Variants in CEP83 observed in about 807,000 individuals in gnomAD.
CEP83 encodes the protein centrosomal protein of 83 kDa.
A neutral mutation model predicts 101.9 loss-of-function variants in CEP83; 70 were observed. The observed-to-expected ratio is 0.69, with a 90% CI of 0.57 to 0.84. The LOEUF is 0.84. CEP83 is among the 40% of genes least tolerant of loss of function. The pLI, the probability that CEP83 is intolerant of heterozygous loss-of-function variation, is 0.00. For missense variants in CEP83, 715 were observed against 787.2 expected (o/e 0.91, Z 1.10); for synonymous variants, 264 against 267.9 (o/e 0.99, Z 0.14).
intron 4 of CEP83, among the ~76,000 whole-genome samples, chr12:94,409,092 C>G (rs926147686): frequency 6.6e-6 from 1 of 151,378 alleles, no homozygotes; most frequent in Non-Finnish European, 1.5e-5. Flanking sequence ...TAAAAATAAT[C>G]ATCTTTCATA....
the CEP83 span, among the ~76,000 whole-genome samples, chr12:94,289,845 C>T: frequency 1.6e-4 from 24 of 152,124 alleles, no homozygotes; most frequent in African/African-American, 5.1e-4. Context: ...CTCACACATA[C>T]GCGCTCACAC....
Position 94,401,000 on chromosome 12 carries a change from T to A in CEP83, c.418-19A>T, listed in dbSNP as rs2137577999. On this transcript the variant is annotated intron_variant, in intron 5 of 16. Coordinates refer to ENST00000397809, the MANE Select transcript of CEP83 (RefSeq NM_016122.3). ...CTACCTCCTAAAGGGAGAATGCATT[T>A]ATCATAGATTTATAAACAAAATTCG... The A allele has an allele frequency of 7.7e-7, 1 of 1,306,916 alleles. No individual in the cohort carries two copies. Among genetic ancestry groups the A allele is most frequent in the Middle Eastern group, 2.2e-4 (1 of 4,452 alleles). The allele number at this position is 1,306,916 out of a possible 1,614,324, so 81.0% of individuals were successfully genotyped here.
Position 94,436,756 on chromosome 12 carries a change from G to A in CEP83, c.-154-1429C>T, listed in dbSNP as rs1261743994. On this transcript the variant is annotated intron_variant, in intron 1 of 16. Coordinates refer to ENST00000397809, the MANE Select transcript of CEP83 (RefSeq NM_016122.3). Reference sequence around the variant, plus strand: ...TGAGGCAGGAGAATCACTTGAACCCGGAGGAGGTTGCAGTGAGCCAAGATC... The same window carrying A: ...TGAGGCAGGAGAATCACTTGAACCCAGAGGAGGTTGCAGTGAGCCAAGATC... Among the ~76,000 whole-genome samples, 10 of 149,658 alleles carry A rather than the reference G, an allele frequency of 6.7e-5. No individual in the cohort carries two copies. In the East Asian group the frequency reaches 1.2e-3, roughly 18 times the overall value.
intron 1 of CEP83, among the ~76,000 whole-genome samples, chr12:94,442,628 T>C (rs2066496128): frequency 6.6e-6 from 1 of 152,224 alleles, no homozygotes; most frequent in Admixed American, 6.5e-5. Context: ...ATGTGTATGC[T>C]TTCCTCTTGA....
intron 7 of CEP83, 33 bp downstream of exon 7, chr12:94,378,758 C>A: frequency 1.2e-6 from 2 of 1,606,052 alleles, no homozygotes; most frequent in Non-Finnish European, 1.7e-6. Flanking sequence ...AAAAAGTATG[C>A]CATACTCTAC....
intron 11 of CEP83, among the ~76,000 whole-genome samples, chr12:94,337,726 T>C (rs1039398655): frequency 1.3e-5 from 2 of 152,018 alleles, no homozygotes; most frequent in African/African-American, 4.8e-5. Flanking sequence ...AACTAGATCT[T>C]GAAGGAAAAA....
At chr12:94,323,579 T>C (rs542745418) in intron 14 of CEP83, among the ~76,000 whole-genome samples, 2 of 152,298 alleles carry the variant, frequency 1.3e-5, no homozygotes, top group African/African-American at 2.4e-5. Flanking sequence ...GATGCTTCAG[T>C]TGAAGGTGCT....
intron 1 of CEP83, among the ~76,000 whole-genome samples, chr12:94,450,441 A>G (rs940283003): frequency 5.9e-5 from 9 of 152,116 alleles, no homozygotes; most frequent in Non-Finnish European, 1.3e-4. Flanking sequence ...TTTAGTAGAG[A>G]CGGGGTTTCA....
At chr12:94,372,438 CT>C (rs2061348719) in intron 8 of CEP83, among the ~76,000 whole-genome samples, 1 of 152,100 alleles carries the variant, frequency 6.6e-6, no homozygotes, top group African/African-American at 2.4e-5. Context: ...ATTATAAATA[CT>C]TTAAAATTTT....
the CEP83 span, among the ~76,000 whole-genome samples, chr12:94,273,101 A>C: frequency 6.6e-6 from 1 of 152,368 alleles, no homozygotes; most frequent in South Asian, 2.1e-4. Context: ...AATGAGGCTA[A>C]TAATGGCACC....
At chr12:94,408,632 T>C (rs1383122719) in intron 4 of CEP83, among the ~76,000 whole-genome samples, 1 of 151,996 alleles carries the variant, frequency 6.6e-6, no homozygotes, top group South Asian at 2.1e-4. Flanking sequence ...CAGGGTAAAG[T>C]GTGGTGGTGT....
At chr12:94,267,112 CCTTTA>C in the CEP83 span, among the ~76,000 whole-genome samples, 13 of 152,146 alleles carry the variant, frequency 8.5e-5, no homozygotes, top group African/African-American at 1.9e-4. Context: ...GATGTTCATG[CCTTTA>C]CTTTAAGACG....
rs150910905 is a variant in CEP83, at chr12:94,320,333, C to T, written c.1708-7316G>A. 3.1e-3 allele frequency among the ~76,000 whole-genome samples: 465 copies of T among 152,192 alleles called. 4 individuals carry two copies. Among genetic ancestry groups the T allele is most frequent in the Middle Eastern group, 0.021 (6 of 292 alleles). Reference sequence around the variant, plus strand: ...GTGCCTTTTAAATGGGGGCACTTAGCCCATTTATATTCAAGGTCAGTATTA... The same window carrying T: ...GTGCCTTTTAAATGGGGGCACTTAGTCCATTTATATTCAAGGTCAGTATTA... On this transcript the variant is annotated intron_variant, in intron 14 of 16. Transcript: ENST00000397809.
At chr12:94,319,221 G>A (rs537900903) in intron 14 of CEP83, among the ~76,000 whole-genome samples, 6 of 152,200 alleles carry the variant, frequency 3.9e-5, no homozygotes, top group Admixed American at 1.3e-4. Context: ...TGTCTGTGAC[G>A]GTTGTTTGTA....
downstream of CEP83, chr12:94,304,034 G>A (rs150282069): frequency 1.2e-5 from 18 of 1,556,728 alleles, no homozygotes; most frequent in African/African-American, 1.8e-4. Context: ...CAAATACATC[G>A]TAAAATATTT....
chr12:94,333,703 A>C, intron 12 of CEP83, 64 bp from the exon 13 acceptor site: 3 of 1,501,788 alleles, frequency 2.0e-6, no homozygotes, highest in Non-Finnish European at 2.7e-6. Context: ...GTATGAGAGA[A>C]GCAGAAGATA....
intron 5 of CEP83, chr12:94,402,897 G>A (rs143971402): frequency 1.7e-4 from 31 of 183,486 alleles, no homozygotes; most frequent in East Asian, 1.6e-3. Context: ...AGACTCTGTC[G>A]CAAAAAAATT....
At chr12:94,415,282 A>G (rs952285906) in intron 2 of CEP83, among the ~76,000 whole-genome samples, 1 of 152,132 alleles carries the variant, frequency 6.6e-6, no homozygotes, top group Non-Finnish European at 1.5e-5. Flanking sequence ...CCTAAGGTAA[A>G]ATGATTGTTT....
At chr12:94,300,598 G>GA in the CEP83 span, among the ~76,000 whole-genome samples, 1 of 152,182 alleles carries the variant, frequency 6.6e-6, no homozygotes, top group East Asian at 1.9e-4. Context: ...AGTTATGTGA[G>GA]AACAAACTGT....
Sources: allele counts gnomAD v4.1 joint callset (sites outside exome capture counted in the v4.1 genomes callset), GRCh38; gene constraint gnomAD v4.1.1; transcripts MANE v1.5; gene names NCBI Gene and HGNC (gene_info 2026-07-23, HGNC 2026-07-21).